Variants in ARHGAP26 observed in about 807,000 individuals in gnomAD.
ARHGAP26 encodes the protein rho GTPase-activating protein 26.
ARHGAP26 carries 38 observed loss-of-function variants against 104.8 expected under a neutral mutation model. The ratio of observed to expected loss-of-function variants is 0.36; its 90% CI spans 0.28 to 0.48. ARHGAP26 has a LOEUF of 0.48. Ranked by LOEUF, ARHGAP26 falls within the 20% of genes least tolerant of loss-of-function variation. The probability of loss-of-function intolerance (pLI) is 0.99; values close to 1 mark genes in which losing one functional copy is unlikely to be tolerated. For missense variants in ARHGAP26, 704 were observed against 947.9 expected, an observed-to-expected ratio of 0.74 and a Z score of 3.38; for synonymous variants, 341 against 340.0, an observed-to-expected ratio of 1.00 and a Z score of -0.03.
rs533364981 is a variant in ARHGAP26, at chr5:143,103,327, C to T, written c.1539-17661C>T. Reference sequence around the variant, plus strand: ...TGGAGAGGATGTGGAGAAATAGGAACGATTTTACACTGTTGGTGGGAGTGT... The same window carrying T: ...TGGAGAGGATGTGGAGAAATAGGAATGATTTTACACTGTTGGTGGGAGTGT... On this transcript the variant is annotated intron_variant, in intron 17 of 22. Coordinates refer to ENST00000645722, the MANE Select transcript of ARHGAP26 (RefSeq NM_001135608.3). The T allele has an allele frequency of 1.2e-5, 8 of 680,152 alleles. No individual in the cohort carries two copies. The East Asian group carries it at 4.0e-4, about 34-fold the overall frequency. 42.1% of individuals were successfully genotyped at this position (680,152 alleles called of 1,614,324 possible).
Position 142,810,428 on chromosome 5 carries a change from T to TAGACC in ARHGAP26, c.154+39513_154+39514insAGACC, listed in dbSNP as rs1226105664. Among the ~76,000 whole-genome samples the TAGACC allele has an allele frequency of 5.6e-4, 86 of 152,346 alleles. No individual in the cohort carries two copies. The East Asian group carries it at 0.012, about 21-fold the overall frequency. On this transcript the variant is annotated intron_variant, in intron 1 of 22. Transcript: ENST00000645722. ...TTCAGCCCCAGGTCAAGTCCTGTTG[T>TAGACC]TAACTTCATAATATTTTAATGAACA...
intron 20 of ARHGAP26, among the ~76,000 whole-genome samples, chr5:143,156,607 C>T (rs540269699): frequency 6.6e-6 from 1 of 152,304 alleles, no homozygotes; most frequent in African/African-American, 2.4e-5. Flanking sequence ...AGTCTGAGAG[C>T]CATAGTGCAT....
chr5:142,918,759 C>G (rs1044870298), intron 10 of ARHGAP26, among the ~76,000 whole-genome samples: 1 of 152,136 alleles, frequency 6.6e-6, no homozygotes, highest in Non-Finnish European at 1.5e-5. Context: ...TCTGCTTTCC[C>G]TCAAAAAGAT....
intron 3 of ARHGAP26, 105 bp downstream of exon 3, chr5:142,875,276 G>A (rs993483834): frequency 2.6e-6 from 3 of 1,153,330 alleles, no homozygotes; most frequent in Non-Finnish European, 3.9e-6. Context: ...TCTGCCATTT[G>A]AATGTTTTGA....
intron 1 of ARHGAP26, among the ~76,000 whole-genome samples, chr5:142,823,338 G>T (rs149068187): frequency 6.6e-6 from 1 of 152,156 alleles, no homozygotes; most frequent in African/African-American, 2.4e-5. Context: ...GATTACAAAT[G>T]TTGGCTACCC....
intron 1 of ARHGAP26, among the ~76,000 whole-genome samples, chr5:142,827,102 T>A (rs976108933): frequency 9.9e-5 from 15 of 152,026 alleles, no homozygotes; most frequent in Non-Finnish European, 2.2e-4. Flanking sequence ...ACTGAGCTTC[T>A]GTTTTTTTTT....
At chr5:142,927,562 A>T (rs908961748) in intron 10 of ARHGAP26, among the ~76,000 whole-genome samples, 2 of 152,344 alleles carry the variant, frequency 1.3e-5, no homozygotes, top group African/African-American at 4.8e-5. Context: ...ACAACAGTTT[A>T]TCCATTTATC....
At position 142,985,467 on chromosome 5, in the gene ARHGAP26, G is replaced by A. The variant is rs1774557443; in HGVS notation, c.1108-28613G>A. On this transcript the variant is annotated intron_variant, in intron 11 of 22. Transcript: ENST00000645722. ...CCCAGAGCAACTTCCAGTCCTGTAA[G>A]CTCCATTCATGGTAAGCACTTTATA... Among the ~76,000 whole-genome samples the A allele has an allele frequency of 2.0e-5, 3 of 151,796 alleles. No individual in the cohort carries two copies. In the South Asian group the frequency reaches 6.2e-4, roughly 31 times the overall value.
chr5:142,917,122 C>G (rs1245971906), intron 10 of ARHGAP26, among the ~76,000 whole-genome samples: 3 of 151,550 alleles, frequency 2.0e-5, no homozygotes, highest in Admixed American at 2.0e-4. Context: ...TCACTGCAGC[C>G]TCTGCCTCCT....
intron 20 of ARHGAP26, among the ~76,000 whole-genome samples, chr5:143,156,450 A>G (rs1397578943): frequency 6.6e-6 from 1 of 152,178 alleles, no homozygotes; most frequent in African/African-American, 2.4e-5. Flanking sequence ...TGGTCCTGGG[A>G]CCAGCATCAT....
chr5:143,106,078 C>A (rs1276546513), intron 17 of ARHGAP26, among the ~76,000 whole-genome samples: 2 of 152,068 alleles, frequency 1.3e-5, no homozygotes, highest in African/African-American at 4.8e-5. Context: ...GTGACTTTTT[C>A]TTTTGTTGTT....
chr5:143,181,942 T>A (rs1804440642), intron 20 of ARHGAP26, among the ~76,000 whole-genome samples: 1 of 152,152 alleles, frequency 6.6e-6, no homozygotes, highest in Non-Finnish European at 1.5e-5. Context: ...TTAACTAACC[T>A]CTCCGACTTC....
chr5:143,120,722 A>G (rs1796031161), intron 17 of ARHGAP26, among the ~76,000 whole-genome samples: 1 of 152,246 alleles, frequency 6.6e-6, no homozygotes, highest in South Asian at 2.1e-4. Flanking sequence ...GTAATTTGGC[A>G]GATAGTTGCT....
chr5:142,890,737 G>C (rs1275118477), intron 5 of ARHGAP26, among the ~76,000 whole-genome samples: 2 of 152,064 alleles, frequency 1.3e-5, no homozygotes, highest in Admixed American at 1.3e-4. Flanking sequence ...GACATGCACG[G>C]GACACTTTCC....
chr5:142,893,744 G>A (rs1759056929), intron 5 of ARHGAP26, among the ~76,000 whole-genome samples: 2 of 152,066 alleles, frequency 1.3e-5, no homozygotes, highest in South Asian at 4.1e-4. Flanking sequence ...ATCCTTACCA[G>A]CATTTGCTAT....
chr5:143,120,774 C>T (rs1029677454), intron 17 of ARHGAP26, among the ~76,000 whole-genome samples: 5 of 152,100 alleles, frequency 3.3e-5, no homozygotes, highest in East Asian at 3.8e-4. Flanking sequence ...AATGATAAAG[C>T]GTGTCATATC....
intron 19 of ARHGAP26, among the ~76,000 whole-genome samples, chr5:143,138,775 G>A (rs937516850): frequency 6.6e-6 from 1 of 152,176 alleles, no homozygotes; most frequent in African/African-American, 2.4e-5. Flanking sequence ...TGGACATTGT[G>A]CACCACAACA....
intron 13 of ARHGAP26, 28 bp from the exon 14 acceptor site, chr5:143,041,788 A>T: frequency 6.3e-7 from 1 of 1,586,522 alleles, no homozygotes; most frequent in Non-Finnish European, 8.6e-7. Flanking sequence ...CGTGCCTCTA[A>T]TTAAATCATC....
chr5:143,053,080 C>G (rs1049256233), intron 14 of ARHGAP26, among the ~76,000 whole-genome samples: 2 of 152,172 alleles, frequency 1.3e-5, no homozygotes, highest in Admixed American at 6.5e-5. Flanking sequence ...TTCTGCTTAT[C>G]TTGTCTCTGG....
Sources: gnomAD v4.1 joint callset for allele counts (sites outside exome capture counted in the v4.1 genomes callset) on GRCh38, gnomAD v4.1.1 for gene constraint, MANE v1.5 for transcripts, NCBI Gene and HGNC (gene_info 2026-07-23, HGNC 2026-07-21) for gene names.